The following GPATCH8 variants were observed in gnomAD, a reference collection of about 807,000 sequenced individuals.
GPATCH8 encodes G patch domain-containing protein 8.
GPATCH8 carries 18 observed loss-of-function variants against 118.3 expected under a neutral mutation model. That is an observed-to-expected ratio of 0.15 (90% CI 0.11 to 0.23). The LOEUF is 0.23. Ranked by LOEUF, GPATCH8 falls within the 10% of genes least tolerant of loss-of-function variation. GPATCH8 has a pLI of 1.00. For missense variants in GPATCH8, 1,631 were observed against 1,873.8 expected (o/e 0.87, Z 2.39); for synonymous variants, 659 against 684.7 (o/e 0.96, Z 0.59).
chr17:44,426,906 C>T (rs141288208), intron 5 of GPATCH8, among the ~76,000 whole-genome samples: 7 of 151,718 alleles, frequency 4.6e-5, no homozygotes, highest in African/African-American at 1.7e-4. Flanking sequence ...CTCCAGAAGA[C>T]AGTGGTACAA....
At chr17:44,492,068 G>A (rs1454836535) in intron 1 of GPATCH8, among the ~76,000 whole-genome samples, 1 of 152,062 alleles carries the variant, frequency 6.6e-6, no homozygotes, top group Non-Finnish European at 1.5e-5. Context: ...AGGAGGCTGA[G>A]GTGGGTGGAT....
chr17:44,482,576 A>G (rs1485889746), intron 1 of GPATCH8, among the ~76,000 whole-genome samples: 2 of 148,660 alleles, frequency 1.3e-5, no homozygotes, highest in African/African-American at 4.9e-5. Flanking sequence ...TCCATCTCAA[A>G]AAAAAAAAAA....
intron 3 of GPATCH8, among the ~76,000 whole-genome samples, chr17:44,448,501 AAAGG>A (rs1251174593): frequency 2.8e-5 from 3 of 107,264 alleles, no homozygotes; most frequent in African/African-American, 1.2e-4. Flanking sequence ...AAAAAAAAAA[AAAGG>A]GGGGGGGGGG....
At chr17:44,501,343 G>A (rs900673207) in intron 1 of GPATCH8, among the ~76,000 whole-genome samples, 25 of 151,910 alleles carry the variant, frequency 1.6e-4, no homozygotes, top group Admixed American at 1.2e-3. Context: ...CTTGAACCCG[G>A]GAGGCAGAGG....
Position 44,453,493 on chromosome 17 carries a change from A to G in GPATCH8, c.193+10979T>C, listed in dbSNP as rs865867027. Among the ~76,000 whole-genome samples, 237 of 44,172 alleles carry G rather than the reference A, an allele frequency of 5.4e-3. 1 individual carries two copies. Among genetic ancestry groups the G allele is most frequent in the Non-Finnish European group, 8.2e-3 (147 of 17,920 alleles). The allele number at this position is 44,172 out of a possible 152,430, so 29.0% of individuals were successfully genotyped here. The stretch of plus-strand genomic sequence containing the variant: ...CCCTTCTAGTTGTAGGTAGGTAGGT[A>G]GGTAGGGGTGTGTGTGTGTGTGTGT... On this transcript the variant is annotated intron_variant, in intron 3 of 7. Coordinates refer to ENST00000591680, the MANE Select transcript of GPATCH8 (RefSeq NM_001002909.4).
intron 1 of GPATCH8, among the ~76,000 whole-genome samples, chr17:44,491,886 A>T (rs1476798844): frequency 6.6e-6 from 1 of 152,178 alleles, no homozygotes; most frequent in Non-Finnish European, 1.5e-5. Flanking sequence ...AAATAAATGT[A>T]TGTATGTGCC....
chr17:44,420,804 C>T (rs2143861011), intron 6 of GPATCH8, among the ~76,000 whole-genome samples: 1 of 152,102 alleles, frequency 6.6e-6, no homozygotes, highest in Admixed American at 6.6e-5. Context: ...GCTTTTTTTC[C>T]CTTAAAAGGC....
intron 3 of GPATCH8, among the ~76,000 whole-genome samples, chr17:44,450,462 T>C (rs2051071846): frequency 6.6e-6 from 1 of 152,198 alleles, no homozygotes; most frequent in Non-Finnish European, 1.5e-5. Flanking sequence ...TCTACATTCT[T>C]TGCTCCCTCC....
At chr17:44,457,704 TG>T (rs1360084696) in intron 3 of GPATCH8, among the ~76,000 whole-genome samples, 1 of 152,024 alleles carries the variant, frequency 6.6e-6, no homozygotes, top group Non-Finnish European at 1.5e-5. Context: ...GAGTCCAAGG[TG>T]GGAGGATCAC....
intron 1 of GPATCH8, chr17:44,486,745 T>A (rs1173397298): frequency 6.6e-6 from 1 of 152,150 alleles, no homozygotes; most frequent in Non-Finnish European, 1.5e-5. Flanking sequence ...TTCTTAGAGG[T>A]AATCATTGTT....
intron 2 of GPATCH8, among the ~76,000 whole-genome samples, chr17:44,471,863 CA>C (rs1459761614): frequency 1.4e-3 from 137 of 99,504 alleles, no homozygotes; most frequent in Middle Eastern, 5.3e-3. Context: ...TTTCTGTGAC[CA>C]AAAAAAGTAA....
At chr17:44,411,864 A>G (rs1382338895) in intron 6 of GPATCH8, among the ~76,000 whole-genome samples, 1 of 152,190 alleles carries the variant, frequency 6.6e-6, no homozygotes. Flanking sequence ...AGGCTGAGGT[A>G]AAAGGATCGC....
chr17:44,453,530 T>TGTGTGTGTGTGTGTGTGTGTGCGC (rs1052518435), intron 3 of GPATCH8, among the ~76,000 whole-genome samples: 5 of 150,562 alleles, frequency 3.3e-5, no homozygotes, highest in African/African-American at 1.2e-4. Flanking sequence ...TGTGTGTGTG[T>TGTGTGTGTGTGTGTGTGTGTGCGC]GCAGGCGCGC....
At chr17:44,502,875 G>T (rs553387423) in intron 1 of GPATCH8, among the ~76,000 whole-genome samples, 1 of 152,228 alleles carries the variant, frequency 6.6e-6, no homozygotes, top group African/African-American at 2.4e-5. Context: ...AGTGAAGAAA[G>T]AAAAGAGAAG....
At chr17:44,412,570 G>A (rs1380874879) in intron 6 of GPATCH8, among the ~76,000 whole-genome samples, 1 of 151,896 alleles carries the variant, frequency 6.6e-6, no homozygotes, top group East Asian at 1.9e-4. Flanking sequence ...TTTTAGTAGA[G>A]ACAGGGTTTC....
At chr17:44,481,958 C>A (rs1409849499) in intron 1 of GPATCH8, among the ~76,000 whole-genome samples, 1 of 151,974 alleles carries the variant, frequency 6.6e-6, no homozygotes, top group Admixed American at 6.6e-5. Flanking sequence ...CCCATCTCTG[C>A]TAAAAATAGA....
intron 1 of GPATCH8, among the ~76,000 whole-genome samples, chr17:44,476,003 C>G (rs1194842140): frequency 1.3e-5 from 2 of 152,094 alleles, no homozygotes; most frequent in Non-Finnish European, 2.9e-5. Flanking sequence ...CACTCCAAGC[C>G]TGGGGGACAG....
At chr17:44,407,760 G>T (rs959157792) in intron 6 of GPATCH8, among the ~76,000 whole-genome samples, 1 of 151,546 alleles carries the variant, frequency 6.6e-6, no homozygotes, top group Non-Finnish European at 1.5e-5. Context: ...AGGTTTAAGA[G>T]ATTCTCATGC....
Position 44,405,993 on chromosome 17 carries a change from T to C in GPATCH8, c.551A>G (p.Lys184Arg), listed in dbSNP as rs2049207040. The C allele has an allele frequency of 6.2e-7, 1 of 1,608,068 alleles. No homozygotes were observed. The highest frequency in any genetic ancestry group is 8.5e-7 in the Non-Finnish European group (1 of 1,174,554). Reference sequence around the variant, plus strand: ...GGCTTTTTCCTGTTTTTTCTCATCCTTGCGGGATCTTGAAGAGACATTTCG... The same window carrying C: ...GGCTTTTTCCTGTTTTTTCTCATCCCTGCGGGATCTTGAAGAGACATTTCG... ...FARNVSSRSRKDEKKQEKALR... is the reference protein window; with the variant it reads ...FARNVSSRSRRDEKKQEKALR... Residue 184 changes from lysine to arginine, a missense_variant, in exon 7 of 8, where the codon AAG becomes AGG. Coordinates refer to ENST00000591680, the MANE Select transcript of GPATCH8 (RefSeq NM_001002909.4).
Sources: gnomAD v4.1 joint callset for allele counts (sites outside exome capture counted in the v4.1 genomes callset) on GRCh38, gnomAD v4.1.1 for gene constraint, MANE v1.5 for transcripts, NCBI Gene and HGNC (gene_info 2026-07-23, HGNC 2026-07-21) for gene names.